The following EPHA6 variants were observed in gnomAD, a reference collection of about 807,000 sequenced individuals.
EPHA6 encodes the protein EPH receptor A6, also known as ephrin type-A receptor 6.
A neutral mutation model predicts 112.0 loss-of-function variants in EPHA6; 50 were observed. The ratio of observed to expected loss-of-function variants is 0.45; its 90% CI spans 0.36 to 0.56. The LOEUF (loss-of-function observed/expected upper bound fraction) is 0.56, where lower values mean the gene tolerates loss of function less well. EPHA6 is among the 20% of genes least tolerant of loss of function. The probability of loss-of-function intolerance (pLI) is 0.00; values close to 1 mark genes in which losing one functional copy is unlikely to be tolerated. For synonymous variants in EPHA6, 529 were observed against 490.7 expected, an observed-to-expected ratio of 1.08 and a Z score of -1.03; for missense variants, 1,280 against 1,417.4, an observed-to-expected ratio of 0.90 and a Z score of 1.56.
intron 1 of EPHA6, among the ~76,000 whole-genome samples, chr3:96,826,428 G>A (rs758938863): frequency 1.9e-4 from 29 of 151,934 alleles, no homozygotes; most frequent in Non-Finnish European, 3.5e-4. Context: ...AGGCTTAAAT[G>A]GTACCTGTAA....
chr3:97,395,548 ATTAT>A (rs1432231486), intron 5 of EPHA6, among the ~76,000 whole-genome samples: 31 of 151,964 alleles, frequency 2.0e-4, no homozygotes, highest in Admixed American at 1.8e-3. Flanking sequence ...CTGCTTTGCA[ATTAT>A]ACCCGTTAGT....
intron 12 of EPHA6, among the ~76,000 whole-genome samples, chr3:97,595,463 G>C (rs1301276417): frequency 6.6e-6 from 1 of 152,106 alleles, no homozygotes; most frequent in African/African-American, 2.4e-5. Context: ...GGCCAACATG[G>C]TGAGTCGCCA....
chr3:97,478,214 C>T (rs943196022), intron 8 of EPHA6, among the ~76,000 whole-genome samples: 1 of 151,928 alleles, frequency 6.6e-6, no homozygotes, highest in African/African-American at 2.4e-5. Flanking sequence ...AAGTTAAGGC[C>T]TTATTTTTTC....
At chr3:97,007,505 A>C (rs1387951765) in intron 3 of EPHA6, among the ~76,000 whole-genome samples, 1 of 150,702 alleles carries the variant, frequency 6.6e-6, no homozygotes, top group Non-Finnish European at 1.5e-5. Context: ...GTGTCTTTGC[A>C]CACAAGATGG....
chr3:97,748,680 G>A lies in EPHA6; in HGVS notation c.3372G>A (p.Gln1124=). The A allele has an allele frequency of 1.2e-6, 2 of 1,602,394 alleles. No individual in the cohort carries two copies. The highest frequency in any genetic ancestry group is 1.3e-5 in the African/African-American group (1 of 74,814). Residue 1124 remains glutamine (Q), a synonymous_variant, in exon 18 of 18, where the codon CAG becomes CAA. Coordinates refer to ENST00000389672, the MANE Select transcript of EPHA6 (RefSeq NM_001080448.3). The part of the protein sequence containing the change: ...QTLRLHMMHI[Q]EKGFHV Reference sequence around the variant, plus strand: ...TACGTTTACACATGATGCACATACAGGAGAAGGGATTTCATGTATGAAAGT... The same window carrying A: ...TACGTTTACACATGATGCACATACAAGAGAAGGGATTTCATGTATGAAAGT...
intron 1 of EPHA6, among the ~76,000 whole-genome samples, chr3:96,863,226 T>A (rs2036109256): frequency 6.6e-6 from 1 of 151,998 alleles, no homozygotes; most frequent in Admixed American, 6.6e-5. Flanking sequence ...ATTGGCTTTT[T>A]TACTGATGTT....
intron 11 of EPHA6, among the ~76,000 whole-genome samples, chr3:97,558,598 A>G (rs946930960): frequency 2.0e-5 from 3 of 151,958 alleles, no homozygotes; most frequent in Admixed American, 2.0e-4. Flanking sequence ...ATGCATACAC[A>G]TGTATAAGGA....
Position 97,168,992 on chromosome 3 carries a change from T to C in EPHA6, c.1115-57272T>C, listed in dbSNP as rs548983743. ...TTATAGCAGTGTGATAATGGACTAA[T>C]ATACACTCTTTTTTCTAGTACTTGT... On this transcript the variant is annotated intron_variant, in intron 3 of 17. Transcript: ENST00000389672. Among the ~76,000 whole-genome samples the C allele has an allele frequency of 2.0e-4, 31 of 152,284 alleles. No individual in the cohort carries two copies. In the South Asian group the frequency reaches 6.4e-3, roughly 32 times the overall value.
At position 97,585,751 on chromosome 3, in the gene EPHA6, G is replaced by C. The variant is rs1368256314; in HGVS notation, c.2387-6861G>C. Among the ~76,000 whole-genome samples the C allele has an allele frequency of 3.5e-3, 536 of 152,230 alleles. 4 individuals carry two copies. Among genetic ancestry groups the C allele is most frequent in the African/African-American group, 0.012 (516 of 41,504 alleles). On this transcript the variant is annotated intron_variant, in intron 11 of 17. Transcript: ENST00000389672. ...GGGCATGTCAAGTTACAAGAATTTA[G>C]ATAATGGACAAAGTTATGTGATTGC...
intron 3 of EPHA6, among the ~76,000 whole-genome samples, chr3:97,133,833 ATTAGT>A (rs992086612): frequency 2.6e-5 from 4 of 152,006 alleles, no homozygotes; most frequent in African/African-American, 9.6e-5. Flanking sequence ...TTCTTCAGTA[ATTAGT>A]TTAATTTGTT....
intron 5 of EPHA6, among the ~76,000 whole-genome samples, chr3:97,246,328 T>C (rs1056521943): frequency 7.2e-5 from 11 of 151,910 alleles, no homozygotes; most frequent in Non-Finnish European, 1.5e-4. Context: ...GTAAATATGC[T>C]TACATAATTT....
chr3:97,446,415 G>T (rs1293386062), intron 6 of EPHA6, among the ~76,000 whole-genome samples: 1 of 152,096 alleles, frequency 6.6e-6, no homozygotes, highest in African/African-American at 2.4e-5. Flanking sequence ...CCTGCAAAAG[G>T]TGTCCTTTAT....
At chr3:97,468,499 G>T (rs770927756) in intron 7 of EPHA6, among the ~76,000 whole-genome samples, 16 of 148,922 alleles carry the variant, frequency 1.1e-4, no homozygotes, top group Non-Finnish European at 2.1e-4. Flanking sequence ...CCTTTGAGTA[G>T]ATAGCATCAA....
intron 2 of EPHA6, among the ~76,000 whole-genome samples, chr3:96,914,047 T>G (rs2039367191): frequency 6.6e-6 from 1 of 152,148 alleles, no homozygotes; most frequent in Non-Finnish European, 1.5e-5. Flanking sequence ...ATTTCTCTTA[T>G]TACAACTTAA....
At chr3:96,962,882 G>T (rs370661158) in intron 2 of EPHA6, among the ~76,000 whole-genome samples, 3 of 152,078 alleles carry the variant, frequency 2.0e-5, no homozygotes, top group Non-Finnish European at 2.9e-5. Context: ...TTCAGGCACG[G>T]TGGCTCAACA....
At chr3:97,089,116 C>G (rs1055975032) in intron 3 of EPHA6, among the ~76,000 whole-genome samples, 1 of 152,034 alleles carries the variant, frequency 6.6e-6, no homozygotes. Flanking sequence ...AGAGTGGTCA[C>G]TCAGGACGTT....
intron 11 of EPHA6, among the ~76,000 whole-genome samples, chr3:97,567,423 T>C (rs1179788138): frequency 6.6e-6 from 1 of 152,164 alleles, no homozygotes; most frequent in Non-Finnish European, 1.5e-5. Context: ...GGGCTAATAA[T>C]AGCTCTTTTA....
intron 2 of EPHA6, among the ~76,000 whole-genome samples, chr3:96,904,620 ACT>A (rs1279349103): frequency 2.0e-5 from 3 of 151,450 alleles, no homozygotes; most frequent in Non-Finnish European, 2.9e-5. Flanking sequence ...AAAAAAAAAA[ACT>A]CTTCACAATA....
Position 97,271,621 on chromosome 3 carries a change from G to C in EPHA6, c.1606+27334G>C, listed in dbSNP as rs988187644. Among the ~76,000 whole-genome samples the C allele has an allele frequency of 3.9e-5, 6 of 152,312 alleles. No individual in the cohort carries two copies. In the East Asian group the frequency reaches 1.2e-3, roughly 29 times the overall value. On this transcript the variant is annotated intron_variant, in intron 5 of 17. Coordinates refer to ENST00000389672, the MANE Select transcript of EPHA6 (RefSeq NM_001080448.3). ...GATCTGCCCGCCTTGGCCTCCCAAA[G>C]TGCTGGGGTTACAGGCATGAGCCAC... is the stretch of plus-strand genomic sequence containing the variant.
Sources: allele counts gnomAD v4.1 joint callset (sites outside exome capture counted in the v4.1 genomes callset), GRCh38; gene constraint gnomAD v4.1.1; transcripts MANE v1.5; gene names NCBI Gene and HGNC (gene_info 2026-07-23, HGNC 2026-07-21).